The following RAD51B variants were observed in gnomAD, a reference collection of about 807,000 sequenced individuals.
RAD51B encodes the protein RAD51 paralog B.
In RAD51B, 38 loss-of-function variants were observed where a neutral mutation model predicts 42.2. That is an observed-to-expected ratio of 0.90 (90% CI 0.70 to 1.18). RAD51B has a LOEUF of 1.18. RAD51B is among the 50% of genes most tolerant of loss of function. The pLI is 0.00. For missense variants in RAD51B, 373 were observed against 400.7 expected (o/e 0.93, Z 0.59); for synonymous variants, 154 against 145.2 (o/e 1.06, Z -0.43).
chr14:68,424,520 T>G (rs2084786297), intron 9 of RAD51B, among the ~76,000 whole-genome samples: 1 of 152,214 alleles, frequency 6.6e-6, no homozygotes, highest in African/African-American at 2.4e-5. Context: ...TATGCAGTGT[T>G]CTCTCCAGAT....
chr14:68,212,895 T>C (rs1461623869), intron 7 of RAD51B, among the ~76,000 whole-genome samples: 1 of 152,192 alleles, frequency 6.6e-6, no homozygotes, highest in Non-Finnish European at 1.5e-5. Context: ...TAGATTTTTA[T>C]TTCTGGGAGG....
intron 4 of RAD51B, among the ~76,000 whole-genome samples, chr14:67,848,659 C>A (rs776093885): frequency 6.6e-6 from 1 of 151,938 alleles, no homozygotes; most frequent in Admixed American, 6.6e-5. Flanking sequence ...GACTTGATTG[C>A]GTAGTTACTT....
intron 7 of RAD51B, among the ~76,000 whole-genome samples, chr14:68,025,875 C>T (rs1687310576): frequency 1.3e-5 from 2 of 151,794 alleles, no homozygotes; most frequent in South Asian, 4.2e-4. Context: ...CAGTTTTTCT[C>T]TAATTTTAGT....
At chr14:68,537,586 G>A (rs1887713267) in intron 10 of RAD51B, among the ~76,000 whole-genome samples, 2 of 151,980 alleles carry the variant, frequency 1.3e-5, no homozygotes, top group African/African-American at 4.8e-5. Context: ...TTTAAGATCA[G>A]TGTGATAGGA....
chr14:68,018,293 A>G (rs2075809626), intron 7 of RAD51B, among the ~76,000 whole-genome samples: 1 of 152,196 alleles, frequency 6.6e-6, no homozygotes, highest in African/African-American at 2.4e-5. Context: ...TCAATAGACA[A>G]TTTAGACAAG....
intron 7 of RAD51B, among the ~76,000 whole-genome samples, chr14:68,223,053 C>G (rs1348002389): frequency 6.6e-6 from 1 of 152,166 alleles, no homozygotes; most frequent in Non-Finnish European, 1.5e-5. Flanking sequence ...ACTCAGAATG[C>G]CCATGTCTGA....
At chr14:68,520,992 A>G (rs78467703) in intron 10 of RAD51B, among the ~76,000 whole-genome samples, 4,371 of 152,218 alleles carry the variant, frequency 0.029, 191 homozygotes, top group East Asian at 0.096. Flanking sequence ...GGGTAGGGGT[A>G]AGGGCACATG....
chr14:68,339,312 C>T, intron 8 of RAD51B: 1 of 914,000 alleles, frequency 1.1e-6, no homozygotes, highest in Non-Finnish European at 1.8e-6. Flanking sequence ...CACTTACATC[C>T]ACTTACAGAG....
At chr14:68,326,732 C>A (rs990798335) in intron 8 of RAD51B, among the ~76,000 whole-genome samples, 1 of 152,038 alleles carries the variant, frequency 6.6e-6, no homozygotes, top group Admixed American at 6.5e-5. Flanking sequence ...TTTTTTTCAA[C>A]CTAAAATATT....
At chr14:67,982,123 CGG>C (rs1267282959) in intron 7 of RAD51B, among the ~76,000 whole-genome samples, 2 of 151,962 alleles carry the variant, frequency 1.3e-5, no homozygotes, top group East Asian at 3.9e-4. Context: ...TTAGTAGAGA[CGG>C]GGTTTCACCA....
At chr14:68,658,596 G>A (rs10148735) in intron 11 of RAD51B, among the ~76,000 whole-genome samples, 8,099 of 152,190 alleles carry the variant, frequency 0.053, 714 homozygotes, top group African/African-American at 0.18. Context: ...GGAATAGGAC[G>A]GAATGAACTA....
At chr14:67,861,485 A>G (rs1294070308) in intron 4 of RAD51B, among the ~76,000 whole-genome samples, 1 of 151,704 alleles carries the variant, frequency 6.6e-6, no homozygotes, top group Non-Finnish European at 1.5e-5. Flanking sequence ...TGAAAAAAAA[A>G]GCTGGGCATG....
At chr14:68,596,034 T>G, downstream of RAD51B, 1 of 1,052,826 alleles carries the variant, frequency 9.5e-7, no homozygotes, top group Non-Finnish European at 1.2e-6. Flanking sequence ...AAAAAAAGAT[T>G]ATCTGAGAGA....
At chr14:68,647,459 G>A (rs1203404172) in intron 10 of RAD51B, among the ~76,000 whole-genome samples, 1 of 151,688 alleles carries the variant, frequency 6.6e-6, no homozygotes, top group Non-Finnish European at 1.5e-5. Flanking sequence ...TTTCTAAGAG[G>A]TTTTTTTTAA....
chr14:68,270,796 G>T (rs1052940981), intron 7 of RAD51B, among the ~76,000 whole-genome samples: 1 of 152,152 alleles, frequency 6.6e-6, no homozygotes, highest in African/African-American at 2.4e-5. Context: ...TTTTATGGCA[G>T]ATGAGCTATG....
At chr14:68,631,882 T>C (rs994467285) in intron 10 of RAD51B, among the ~76,000 whole-genome samples, 4 of 152,202 alleles carry the variant, frequency 2.6e-5, no homozygotes, top group Non-Finnish European at 5.9e-5. Flanking sequence ...CCACACTGTA[T>C]AACCATCACT....
intron 10 of RAD51B, among the ~76,000 whole-genome samples, chr14:68,551,690 A>G (rs1195386705): frequency 6.6e-6 from 1 of 152,222 alleles, no homozygotes; most frequent in Non-Finnish European, 1.5e-5. Context: ...AGTGCTGTAC[A>G]CAGTAGATGC....
intron 7 of RAD51B, among the ~76,000 whole-genome samples, chr14:68,045,022 C>T (rs2076276524): frequency 6.6e-6 from 1 of 151,776 alleles, no homozygotes; most frequent in African/African-American, 2.4e-5. Context: ...GGTGGATCAC[C>T]TGAGGTCAGG....
Position 68,425,975 on chromosome 14 carries a change from T to TCTTTCTTCCTTTCTTC in RAD51B, c.957+14451_957+14452insTCTTCCTTTCTTCCTT, listed in dbSNP as rs1555407995. 3.5e-5 allele frequency among the ~76,000 whole-genome samples: 3 copies of TCTTTCTTCCTTTCTTC among 86,030 alleles called. No individual in the cohort carries two copies. In the East Asian group the frequency reaches 8.8e-4, roughly 25 times the overall value. 56.4% of individuals were successfully genotyped at this position (86,030 alleles called of 152,430 possible). A position where few individuals can be genotyped will look rare whatever the true frequency, so the allele number is the denominator to read the frequency against. On this transcript the variant is annotated intron_variant, in intron 9 of 10. Coordinates refer to ENST00000471583, the MANE Select transcript of RAD51B (RefSeq NM_133510.4). ...TTCTTTCTTTCTTTCTTTCTTTCTT[T>TCTTTCTTCCTTTCTTC]CTTCCTTCCTTCCTTCCTTCCTTCC...
Sources: gnomAD v4.1 joint callset for allele counts (sites outside exome capture counted in the v4.1 genomes callset) on GRCh38, gnomAD v4.1.1 for gene constraint, MANE v1.5 for transcripts, NCBI Gene and HGNC (gene_info 2026-07-23, HGNC 2026-07-21) for gene names.